Variants in TTLL8 observed in about 807,000 individuals in gnomAD.
TTLL8 encodes the protein protein monoglycylase TTLL8.
A neutral mutation model predicts 77.8 loss-of-function variants in TTLL8; 65 were observed. That is an observed-to-expected ratio of 0.84 (90% confidence interval 0.68 to 1.03). The LOEUF is 1.03. Among genes scored for constraint, TTLL8 ranks in the 50% least tolerant of loss-of-function variants. The pLI is 0.00. For synonymous variants in TTLL8, 402 were observed against 422.8 expected (o/e 0.95, Z 0.60); for missense variants, 910 against 1,004.5 (o/e 0.91, Z 1.27).
At chr22:50,052,039 G>A (rs1056109914) in intron 1 of TTLL8, among the ~76,000 whole-genome samples, 4 of 152,054 alleles carry the variant, frequency 2.6e-5, no homozygotes, top group Non-Finnish European at 2.9e-5. Flanking sequence ...CGAGACATCC[G>A]GTCGGTCCCA....
intron 12 of TTLL8, among the ~76,000 whole-genome samples, chr22:50,029,688 G>A (rs1410498588): frequency 6.6e-6 from 1 of 152,090 alleles, no homozygotes; most frequent in Non-Finnish European, 1.5e-5. Context: ...CCGAGATCGC[G>A]CCACGGCACT....
chr22:50,041,659 C>T lies in TTLL8; in HGVS notation c.792G>A (p.Glu264=). Residue 264 remains glutamate (E), a synonymous_variant, in exon 7 of 14, where the codon GAG becomes GAA. Transcript: ENST00000266182. This position sits in a 1 kb window ranked among gnomAD's most constrained non-coding sequence, Gnocchi z 4.3. Reference sequence around the variant, plus strand: ...AGTACTGCTGGGTCAGGTCCTCCCACTCGGCCTCAGTGAGGTCCTCCACGG... The same window carrying T: ...AGTACTGCTGGGTCAGGTCCTCCCATTCGGCCTCAGTGAGGTCCTCCACGG... The T allele has an allele frequency of 7.3e-7, 1 of 1,366,900 alleles. No homozygotes were observed. The highest frequency in any genetic ancestry group is 1.5e-5 in the African/African-American group (1 of 67,852). 84.7% of individuals were successfully genotyped at this position (1,366,900 alleles called of 1,614,324 possible).
At chr22:50,045,791 AG>A in intron 5 of TTLL8, 64 bp downstream of exon 7, 2 of 1,281,948 alleles carry the variant, frequency 1.6e-6, no homozygotes, top group South Asian at 2.5e-5. Context: ...TCTCAGCACC[AG>A]GGGGATCTTT....
At chr22:50,032,529 C>T (rs756982075) in intron 10 of TTLL8, among the ~76,000 whole-genome samples, 6 of 152,240 alleles carry the variant, frequency 3.9e-5, no homozygotes, top group Non-Finnish European at 7.3e-5. Flanking sequence ...CATGACCCAC[C>T]AGGCATGACC....
rs930152901 is a variant in TTLL8 at position 50,034,461 on chromosome 22, C to A, written c.923G>T (p.Cys308Phe). The A allele has an allele frequency of 2.2e-6, 3 of 1,366,828 alleles. No individual in the cohort carries two copies. The highest frequency in any genetic ancestry group is 2.0e-6 in the Non-Finnish European group (2 of 1,021,732). 84.7% of individuals were successfully genotyped at this position (1,366,828 alleles called of 1,614,324 possible). A position where few individuals can be genotyped will look rare whatever the true frequency, so the allele number is the denominator to read the frequency against. Residue 308 changes from cysteine to phenylalanine, a missense_variant and splice_region_variant, in exon 9 of 14, where the codon TGC (cysteine) becomes TTC (phenylalanine). Physicochemically the swap from Cys to Phe is radical, Grantham distance 205 (BLOSUM62 -2). This residue lies in a region of TTLL8 where 776 missense variants were observed against 926.1 expected (regional missense o/e 0.84). Transcript: ENST00000266182. This position sits in a 1 kb window ranked among gnomAD's most constrained non-coding sequence, Gnocchi z 4.1. ...CGTGATTCTATTCAGCAGAGCCTGG[C>A]ACTGCGAAAAGTAATTTCTTGAATT...
At chr22:50,027,540 A>AG (rs1272047904) in intron 12 of TTLL8, 1 of 858,432 alleles carries the variant, frequency 1.2e-6, no homozygotes, top group Non-Finnish European at 1.4e-6. Context: ...TCTCAAAAAA[A>AG]AAAAAAAAAA....
chr22:50,033,417 C>T, exon 10 of TTLL8: 1 of 1,365,122 alleles, frequency 7.3e-7, no homozygotes, highest in South Asian at 1.1e-5. Flanking sequence ...GCTCCAGGAT[C>T]TCCTCCACAC....
chr22:50,030,536 G>T (rs1246334197), exon 12 of TTLL8: 5 of 1,326,008 alleles, frequency 3.8e-6, no homozygotes, highest in Non-Finnish European at 4.0e-6. Context: ...AGCTTTTGGC[G>T]GGCTGGGCTA....
intron 12 of TTLL8, among the ~76,000 whole-genome samples, chr22:50,020,927 T>C (rs536945326): frequency 1.2e-3 from 169 of 136,716 alleles, no homozygotes; most frequent in Non-Finnish European, 2.0e-3. Flanking sequence ...TCTGAATGTG[T>C]ACTCCTCCAT....
chr22:50,049,142 CG>C, intron 3 of TTLL8, 106 bp downstream of exon 5: 1 of 1,326,714 alleles, frequency 7.5e-7, no homozygotes, highest in Non-Finnish European at 1.0e-6. Context: ...TTGCCCTCGC[CG>C]GGCTGCCATC....
Position 50,041,631 on chromosome 22 carries a change from A to G in TTLL8, c.820T>C (p.Ser274Pro). ...CTGCGTAAGTCTTACTGAACGAGGG[A>G]GTAGTACTGCTGGGTCAGGTCCTCC... The change falls in exon 7 of 14, where the codon TCC (serine) becomes CCC (proline). Residue 274 changes from serine to proline, a missense_variant. By Grantham distance (74) the Ser-to-Pro change is moderately conservative. This residue lies in a region of TTLL8 where 776 missense variants were observed against 926.1 expected (regional missense o/e 0.84). Transcript: ENST00000266182. This position sits in a 1 kb window ranked among gnomAD's most constrained non-coding sequence, Gnocchi z 4.3. 7.3e-7 allele frequency: 1 copy of G among 1,363,240 alleles called. No individual in the cohort carries two copies. Among genetic ancestry groups the G allele is most frequent in the Non-Finnish European group, 9.8e-7 (1 of 1,020,090 alleles). The allele number at this position is 1,363,240 out of a possible 1,614,324, so 84.4% of individuals were successfully genotyped here.
chr22:50,043,361 CG>C (rs2146678521), intron 6 of TTLL8, among the ~76,000 whole-genome samples: 3 of 92,182 alleles, frequency 3.3e-5, no homozygotes, highest in African/African-American at 1.4e-4. Flanking sequence ...AGACACCCTT[CG>C]GTAGATGGAT....
chr22:50,036,189 G>A (rs1397347596), intron 8 of TTLL8, among the ~76,000 whole-genome samples: 1 of 152,188 alleles, frequency 6.6e-6, no homozygotes, highest in East Asian at 1.9e-4. Flanking sequence ...GGACTGACGG[G>A]CCCGAAGCAC....
At chr22:50,027,938 C>T (rs561449862) in intron 12 of TTLL8, among the ~76,000 whole-genome samples, 12 of 152,222 alleles carry the variant, frequency 7.9e-5, no homozygotes, top group Non-Finnish European at 1.6e-4. Flanking sequence ...GCGGCAGGAA[C>T]CTGACTCACG....
At chr22:50,050,058 C>T (rs745889375) in intron 2 of TTLL8, 51 bp downstream of exon 4, 63 of 1,348,958 alleles carry the variant, frequency 4.7e-5, no homozygotes, top group East Asian at 9.3e-5. Flanking sequence ...TCCTCCTGCC[C>T]GTGACAGACG....
Position 50,047,316 on chromosome 22 carries a change from T to C in TTLL8, c.265-20A>G, listed in dbSNP as rs1429679811. On this transcript the variant is annotated intron_variant, in intron 3 of 13. Coordinates refer to ENST00000266182, the Ensembl canonical transcript of TTLL8. ...CCTAGACTGGCAAGAAAAAAGTCTT[T>C]ATTGATGCCCAGCATTCAAGGTTCA... 2 of 1,366,762 alleles carry C rather than the reference T, an allele frequency of 1.5e-6. No homozygotes were observed. Among genetic ancestry groups the C allele is most frequent in the African/African-American group, 3.0e-5 (2 of 67,732 alleles). 84.7% of individuals were successfully genotyped at this position (1,366,762 alleles called of 1,614,324 possible). A position where few individuals can be genotyped will look rare whatever the true frequency, so the allele number is the denominator to read the frequency against.
chr22:50,041,741 A>T lies in TTLL8; in HGVS notation c.710T>A (p.Val237Glu), dbSNP rs765494536. The change falls in exon 7 of 14, where the codon GTG becomes GAG. Residue 237 changes from valine to glutamate, a missense_variant. Around this residue, in one of 2 missense-constraint regions of TTLL8, gnomAD observed 776 missense variants for 926.1 expected, o/e 0.84. Coordinates refer to ENST00000266182, the Ensembl canonical transcript of TTLL8. This position sits in a 1 kb window ranked among gnomAD's most constrained non-coding sequence, Gnocchi z 4.3. ...CAGCTGCCCCAGGTAGGCCTGGCAC[A>T]CCTTGCACGCGATGTCCACAAGCTG... 2.2e-6 allele frequency: 3 copies of T among 1,365,624 alleles called. No individual in the cohort carries two copies. Among genetic ancestry groups the T allele is most frequent in the Non-Finnish European group, 2.9e-6 (3 of 1,021,182 alleles). The allele number at this position is 1,365,624 out of a possible 1,614,324, so 84.6% of individuals were successfully genotyped here. A position where few individuals can be genotyped will look rare whatever the true frequency, so the allele number is the denominator to read the frequency against.
chr22:50,019,390 AGG>A (rs2061182528), intron 12 of TTLL8, among the ~76,000 whole-genome samples: 1 of 152,242 alleles, frequency 6.6e-6, no homozygotes, highest in Non-Finnish European at 1.5e-5. Flanking sequence ...CCTCACCCCC[AGG>A]CAATCACGCA....
rs964509238 is a variant in TTLL8, at chr22:50,034,995, C to A, written c.922-533G>T. ...GCTCAGCATCATTCTGACTCAAGAC[C>A]CTTTGCAGTCACGGGCTAGACTCAG... On this transcript the variant is annotated intron_variant, in intron 8 of 13. Coordinates refer to ENST00000266182, the Ensembl canonical transcript of TTLL8. The surrounding 1 kb of genome is among the most constrained non-coding windows in gnomAD (Gnocchi z 4.1). Among the ~76,000 whole-genome samples the A allele has an allele frequency of 2.5e-4, 38 of 152,336 alleles. No individual in the cohort carries two copies. The highest frequency in any genetic ancestry group is 8.9e-4 in the African/African-American group (37 of 41,578).
Sources: allele counts gnomAD v4.1 joint callset (sites outside exome capture counted in the v4.1 genomes callset), GRCh38; gene constraint gnomAD v4.1.1; regional missense constraint gnomAD v4.1.1; non-coding constraint Gnocchi (gnomAD v3.1); transcripts MANE v1.5; gene names NCBI Gene and HGNC (gene_info 2026-07-23, HGNC 2026-07-21).